KLHL28: variants seen among roughly 807,000 people sequenced by gnomAD.
The protein encoded by KLHL28 is kelch like family member 28, also known as kelch-like protein 28.
In KLHL28, 22 loss-of-function variants were observed where a neutral mutation model predicts 48.3. That is an observed-to-expected ratio of 0.46 (90% CI 0.33 to 0.65). The LOEUF (loss-of-function observed/expected upper bound fraction) is 0.65. Among genes scored for constraint, KLHL28 ranks in the 30% least tolerant of loss-of-function variants. The pLI, the probability that KLHL28 is intolerant of heterozygous loss-of-function variation, is 0.03. For synonymous variants in KLHL28, 243 were observed against 242.4 expected (o/e 1.00, Z -0.02); for missense variants, 527 against 704.3 (o/e 0.75, Z 2.85).
At chr14:44,955,169 A>G (rs1273614361) in intron 1 of KLHL28, among the ~76,000 whole-genome samples, 1 of 151,904 alleles carries the variant, frequency 6.6e-6, no homozygotes, top group African/African-American at 2.4e-5. Flanking sequence ...CACAGTCTGT[A>G]TTTGAATAAA....
chr14:44,935,906 T>TATATA (rs1429152138), intron 2 of KLHL28, among the ~76,000 whole-genome samples: 6 of 13,918 alleles, frequency 4.3e-4, no homozygotes, highest in Non-Finnish European at 1.2e-3. Flanking sequence ...ATATATATCT[T>TATATA]TACCCTCCCC....
chr14:44,935,274 GA>G (rs1005365542), intron 2 of KLHL28, among the ~76,000 whole-genome samples: 1 of 152,186 alleles, frequency 6.6e-6, no homozygotes, highest in African/African-American at 2.4e-5. Flanking sequence ...GATTAGGAAT[GA>G]AGATAGTGGT....
At chr14:44,960,842 C>A in intron 1 of KLHL28, 1 of 1,095,774 alleles carries the variant, frequency 9.1e-7, no homozygotes, top group Non-Finnish European at 1.3e-6. Flanking sequence ...GCATATGTGA[C>A]TCATTTATTC....
chr14:44,948,447 T>G (rs1390732600), intron 1 of KLHL28, among the ~76,000 whole-genome samples: 1 of 152,134 alleles, frequency 6.6e-6, no homozygotes, highest in Non-Finnish European at 1.5e-5. Flanking sequence ...ATTATATTAT[T>G]AGGTGGAATA....
chr14:44,949,140 C>G, intron 1 of KLHL28, among the ~76,000 whole-genome samples: 1 of 152,046 alleles, frequency 6.6e-6, no homozygotes, highest in East Asian at 1.9e-4. Context: ...TGAATCATTA[C>G]CAGTGCCACA....
Position 44,946,909 on chromosome 14 carries a change from G to A in KLHL28, c.1-981C>T, listed in dbSNP as rs1241375770. 2.6e-5 allele frequency among the ~76,000 whole-genome samples: 4 copies of A among 152,058 alleles called. No individual in the cohort carries two copies. The East Asian group carries it at 7.7e-4, about 29-fold the overall frequency. On this transcript the variant is annotated intron_variant, in intron 1 of 4. Coordinates refer to ENST00000396128, the MANE Select transcript of KLHL28 (RefSeq NM_017658.5). Reference sequence around the variant, plus strand: ...GCCCACTCAATCTACTTGCCACTTTGTGCTTCTGGAAGATGAAAAAGAATA... The same window carrying A: ...GCCCACTCAATCTACTTGCCACTTTATGCTTCTGGAAGATGAAAAAGAATA...
In KLHL28 at chr14:44,931,493, G is replaced by A; in HGVS notation, c.1392C>T (p.Ser464=). 1 of 1,613,888 alleles carries A rather than the reference G, an allele frequency of 6.2e-7. No homozygotes were observed. Among genetic ancestry groups the A allele is most frequent in the Non-Finnish European group, 8.5e-7 (1 of 1,179,922 alleles). ...PSKDSWEMVA[S]MADKRIHFGV... is the part of the protein sequence containing the mutation. ...CAAAGTGAATCCTTTTATCTGCCAT[G>A]GATGCAACCATCTCCCAGGAGTCCT... Residue 464 remains serine, a synonymous_variant, in exon 4 of 5, where the codon TCC becomes TCT. Coordinates refer to ENST00000396128, the MANE Select transcript of KLHL28 (RefSeq NM_017658.5).
chr14:44,929,216 A>AT (rs1180492801), intron 4 of KLHL28, 25 bp from the exon 5 acceptor site: 1 of 1,573,582 alleles, frequency 6.4e-7, no homozygotes, highest in African/African-American at 1.4e-5. Context: ...CAAAAAGAAG[A>AT]TAGAAACATG....
chr14:44,938,338 C>T (rs1883911652), intron 2 of KLHL28, among the ~76,000 whole-genome samples: 1 of 151,518 alleles, frequency 6.6e-6, no homozygotes, highest in Non-Finnish European at 1.5e-5. Flanking sequence ...GTAAGAGGGC[C>T]CAGGTAAGTC....
At chr14:44,939,286 C>T (rs562584079) in intron 2 of KLHL28, among the ~76,000 whole-genome samples, 64 of 152,276 alleles carry the variant, frequency 4.2e-4, no homozygotes, top group African/African-American at 1.5e-3. Flanking sequence ...ACGGGAGGTA[C>T]AGCCTCAAAG....
chr14:44,955,151 A>G (rs1224425131), intron 1 of KLHL28, among the ~76,000 whole-genome samples: 1 of 151,956 alleles, frequency 6.6e-6, no homozygotes, highest in South Asian at 2.1e-4. Flanking sequence ...GATGTTAATT[A>G]TGAACCTCAC....
intron 1 of KLHL28, among the ~76,000 whole-genome samples, chr14:44,946,595 C>T (rs997492173): frequency 9.7e-5 from 14 of 144,566 alleles, no homozygotes; most frequent in African/African-American, 3.1e-4. Flanking sequence ...CTCACTCTGT[C>T]GCCCAGGCTG....
rs780054236 is a variant in KLHL28, at chr14:44,934,477, G to T, written c.981C>A (p.Cys327Ter). 6.2e-7 allele frequency: 1 copy of T among 1,613,776 alleles called. No homozygotes were observed. Among genetic ancestry groups the T allele is most frequent in the Non-Finnish European group, 8.5e-7 (1 of 1,179,854 alleles). Reference sequence around the variant, plus strand: ...TAACATATACTTTTTGGTCTAAAACGCATATTCCAAATTCATAGCGAGGAA... The same window carrying T: ...TAACATATACTTTTTGGTCTAAAACTCATATTCCAAATTCATAGCGAGGAA... ...LNIPRYEFGICVLDQKVYVIG... is the reference protein window; with the variant it reads ...LNIPRYEFGI The change falls in exon 3 of 5, where the codon TGC becomes TGA. Residue 327 changes from cysteine (C) to a stop codon, truncating the protein, a stop_gained. Transcript: ENST00000396128. LOFTEE classifies it high-confidence loss of function.
intron 2 of KLHL28, among the ~76,000 whole-genome samples, chr14:44,938,925 T>C (rs1323990658): frequency 1.3e-5 from 2 of 152,188 alleles, no homozygotes; most frequent in Non-Finnish European, 2.9e-5. Flanking sequence ...CCCCTAGCCA[T>C]TGCCCTAGTG....
chr14:44,931,198 C>T, intron 4 of KLHL28, 135 bp downstream of exon 4: 8 of 576,634 alleles, frequency 1.4e-5, no homozygotes, highest in East Asian at 2.9e-5. Context: ...TCAAGTTTAC[C>T]ACATACAAGT....
In KLHL28 at chr14:44,943,713, C is replaced by T. The variant is rs568550110; in HGVS notation, c.899+1317G>A. 2.7e-5 allele frequency among the ~76,000 whole-genome samples: 4 copies of T among 146,038 alleles called. No homozygotes were observed. The East Asian group carries it at 5.9e-4, about 22-fold the overall frequency. On this transcript the variant is annotated intron_variant, in intron 2 of 4. Transcript: ENST00000396128. ...TAAATAAATAAATAAAATGTATTAT[C>T]GGACTTTTTTTTTTTTTTCAAAACA... is the stretch of plus-strand genomic sequence containing the variant.
intron 1 of KLHL28, among the ~76,000 whole-genome samples, chr14:44,961,330 A>G (rs1448247200): frequency 1.3e-5 from 2 of 152,102 alleles, no homozygotes; most frequent in African/African-American, 4.8e-5. Flanking sequence ...GGAGAGTCCC[A>G]CAGAGGAACT....
intron 1 of KLHL28, among the ~76,000 whole-genome samples, chr14:44,948,678 T>C (rs960273010): frequency 2.0e-5 from 3 of 152,104 alleles, no homozygotes; most frequent in Non-Finnish European, 4.4e-5. Context: ...TTTCCCACAA[T>C]GACCTTTTAC....
chr14:44,945,863 CAGA>C lies in KLHL28; in HGVS notation c.63_65del (p.Leu22del). On this transcript the variant is annotated inframe_deletion, in exon 2 of 5. Transcript: ENST00000396128. The stretch of plus-strand genomic sequence containing the variant: ...GTTGGCGAAGAAGATTCAAGCCCTG[CAGA>C]AGTTGTTCAGAATGCAAGTGGGTTA... The C allele has an allele frequency of 6.2e-7, 1 of 1,614,128 alleles. No individual in the cohort carries two copies. Among genetic ancestry groups the C allele is most frequent in the Non-Finnish European group, 8.5e-7 (1 of 1,180,000 alleles).
Sources: allele counts gnomAD v4.1 joint callset (sites outside exome capture counted in the v4.1 genomes callset), GRCh38; gene constraint gnomAD v4.1.1; transcripts MANE v1.5; gene names NCBI Gene and HGNC (gene_info 2026-07-23, HGNC 2026-07-21).